The following SIPA1L1 variants were observed in gnomAD, a reference collection of about 807,000 sequenced individuals.
The protein encoded by SIPA1L1 is signal-induced proliferation-associated 1-like protein 1.
A neutral mutation model predicts 162.7 loss-of-function variants in SIPA1L1; 26 were observed. The observed-to-expected ratio is 0.16, with a 90% CI of 0.12 to 0.22. SIPA1L1 has a LOEUF of 0.22. Among genes scored for constraint, SIPA1L1 ranks in the 10% least tolerant of loss-of-function variants. SIPA1L1 has a pLI of 1.00. For missense variants in SIPA1L1, 1,874 were observed against 2,241.0 expected (o/e 0.84, Z 3.31); for synonymous variants, 829 against 837.4 (o/e 0.99, Z 0.17).
intron 2 of SIPA1L1, among the ~76,000 whole-genome samples, chr14:71,336,836 C>T (rs1330804728): frequency 6.6e-6 from 1 of 152,186 alleles, no homozygotes; most frequent in Admixed American, 6.5e-5. Flanking sequence ...TCTTCCCTTT[C>T]TTTTACTTTT....
rs187314532 is a variant in SIPA1L1 at position 71,378,015 on chromosome 14, G to C, written c.-465+56834G>C. Among the ~76,000 whole-genome samples the C allele has an allele frequency of 5.9e-5, 9 of 152,256 alleles. No individual in the cohort carries two copies. In the East Asian group the frequency reaches 1.7e-3, roughly 29 times the overall value. On this transcript the variant is annotated intron_variant, in intron 2 of 23. Coordinates refer to ENST00000381232, the MANE Select transcript of SIPA1L1 (RefSeq NM_001386936.1). ...GGGAGACAGTGGAAAGAAGGAGAGG[G>C]AGAGGGAGAGCTAATCTTCTTAAAT...
intron 9 of SIPA1L1, among the ~76,000 whole-genome samples, chr14:71,660,843 C>T (rs954796542): frequency 6.6e-6 from 1 of 152,222 alleles, no homozygotes; most frequent in Non-Finnish European, 1.5e-5. Context: ...TTCTTTTCTA[C>T]ATGCCCAGCT....
intron 4 of SIPA1L1, among the ~76,000 whole-genome samples, chr14:71,569,053 G>A (rs1655264750): frequency 6.6e-6 from 1 of 152,158 alleles, no homozygotes; most frequent in Admixed American, 6.5e-5. Context: ...TTATCGTGTA[G>A]CAGTTTCCAG....
intron 2 of SIPA1L1, among the ~76,000 whole-genome samples, chr14:71,324,387 C>T (rs1375767270): frequency 6.6e-6 from 1 of 152,124 alleles, no homozygotes; most frequent in Non-Finnish European, 1.5e-5. Context: ...GCACTCGTTT[C>T]TTTTCTTTTT....
intron 3 of SIPA1L1, among the ~76,000 whole-genome samples, chr14:71,521,478 T>C (rs2052347281): frequency 6.6e-6 from 1 of 152,166 alleles, no homozygotes; most frequent in Non-Finnish European, 1.5e-5. Context: ...AGGGAGGGTA[T>C]CTGTGGAATG....
At chr14:71,614,805 A>G (rs528634133) in intron 5 of SIPA1L1, among the ~76,000 whole-genome samples, 8 of 152,352 alleles carry the variant, frequency 5.3e-5, no homozygotes, top group Admixed American at 4.6e-4. Flanking sequence ...TGACACACCA[A>G]AAGTTTGAAT....
intron 2 of SIPA1L1, among the ~76,000 whole-genome samples, chr14:71,506,459 G>A (rs1216686624): frequency 2.6e-5 from 4 of 152,044 alleles, no homozygotes; most frequent in Admixed American, 6.6e-5. Flanking sequence ...TTGTGCCTCA[G>A]CCTCCCAAGT....
intron 2 of SIPA1L1, chr14:71,467,303 G>A (rs550361780): frequency 6.6e-6 from 1 of 152,250 alleles, no homozygotes; most frequent in East Asian, 1.9e-4. Context: ...AGTAATATTT[G>A]CCTATCTATT....
At chr14:71,708,801 A>G (rs920725767) in intron 16 of SIPA1L1, among the ~76,000 whole-genome samples, 6 of 152,246 alleles carry the variant, frequency 3.9e-5, no homozygotes, top group Non-Finnish European at 7.3e-5. Flanking sequence ...CTCTCTAGAC[A>G]TAAGTCTTAT....
rs1334343559 is a variant in SIPA1L1, at chr14:71,725,679, G to A, written c.4614+844G>A. 3.3e-5 allele frequency among the ~76,000 whole-genome samples: 5 copies of A among 152,228 alleles called. No homozygotes were observed. The East Asian group carries it at 7.7e-4, about 24-fold the overall frequency. ...GTGGAGTCTCACGCCCCCGGGGATT[G>A]GAATGGGTGTTTATTGAGCTGGGCC... On this transcript the variant is annotated intron_variant, in intron 19 of 23. Transcript: ENST00000381232.
At chr14:71,418,510 C>G (rs777306245) in intron 2 of SIPA1L1, among the ~76,000 whole-genome samples, 1 of 152,180 alleles carries the variant, frequency 6.6e-6, no homozygotes, top group Non-Finnish European at 1.5e-5. Context: ...CCCTATTTGA[C>G]TTAAAAAGTT....
At chr14:71,349,497 G>A (rs1040099320) in intron 2 of SIPA1L1, among the ~76,000 whole-genome samples, 36 of 152,250 alleles carry the variant, frequency 2.4e-4, no homozygotes, top group Non-Finnish European at 1.5e-4. Context: ...AAATCTGAAG[G>A]TTTACGTCAG....
chr14:71,495,897 AAAAAAAAAAAAAAAAAG>A (rs1470277799), intron 2 of SIPA1L1, among the ~76,000 whole-genome samples: 1 of 145,570 alleles, frequency 6.9e-6, no homozygotes, highest in Non-Finnish European at 1.5e-5. Context: ...AAAAAAAAAA[AAAAAAAAAAAAAAAAAG>A]AAGAAGAAAG....
chr14:71,392,539 T>C (rs1393436500), intron 2 of SIPA1L1, among the ~76,000 whole-genome samples: 1 of 149,940 alleles, frequency 6.7e-6, no homozygotes, highest in Non-Finnish European at 1.5e-5. Context: ...CTATTGAAAC[T>C]TTTTTTTTTG....
intron 12 of SIPA1L1, among the ~76,000 whole-genome samples, chr14:71,679,774 G>T (rs1413563369): frequency 1.3e-5 from 2 of 152,082 alleles, no homozygotes; most frequent in Non-Finnish European, 2.9e-5. Flanking sequence ...AAAGGCAGGG[G>T]TTGCAATCCT....
chr14:71,719,565 C>G (rs1246447162), intron 17 of SIPA1L1, among the ~76,000 whole-genome samples: 1 of 152,212 alleles, frequency 6.6e-6, no homozygotes, highest in Admixed American at 6.5e-5. Context: ...TTGACCTAGG[C>G]TCACTGCAAC....
At chr14:71,594,538 G>T (rs1451730703) in intron 5 of SIPA1L1, among the ~76,000 whole-genome samples, 1 of 152,086 alleles carries the variant, frequency 6.6e-6, no homozygotes, top group African/African-American at 2.4e-5. Flanking sequence ...TCTACTTCTA[G>T]TTTTTTGATG....
intron 5 of SIPA1L1, chr14:71,598,373 A>T: frequency 3.5e-6 from 1 of 287,998 alleles, no homozygotes; most frequent in Non-Finnish European, 5.2e-6. Context: ...GAGGAAAGAT[A>T]GTAACTTTAT....
At chr14:71,365,746 A>G (rs1387567464) in intron 2 of SIPA1L1, among the ~76,000 whole-genome samples, 1 of 138,132 alleles carries the variant, frequency 7.2e-6, no homozygotes, top group Non-Finnish European at 1.6e-5. Flanking sequence ...TTTTTTTTTT[A>G]GCAGGGTCTG....
Sources: gnomAD v4.1 joint callset for allele counts (sites outside exome capture counted in the v4.1 genomes callset) on GRCh38, gnomAD v4.1.1 for gene constraint, MANE v1.5 for transcripts, NCBI Gene and HGNC (gene_info 2026-07-23, HGNC 2026-07-21) for gene names.